The following RICTOR variants were observed in gnomAD, a reference collection of about 807,000 sequenced individuals.
The protein encoded by RICTOR is RPTOR independent companion of MTOR complex 2, also known as rapamycin-insensitive companion of mTOR.
RICTOR carries 49 observed loss-of-function variants against 214.9 expected under a neutral mutation model. The observed-to-expected ratio is 0.23, with a 90% CI of 0.18 to 0.29. The LOEUF is 0.29. Among genes scored for constraint, RICTOR ranks in the 10% least tolerant of loss-of-function variants. RICTOR has a pLI of 1.00. For synonymous variants in RICTOR, 717 were observed against 711.3 expected, an observed-to-expected ratio of 1.01 and a Z score of -0.13; for missense variants, 1,625 against 2,047.0, an observed-to-expected ratio of 0.79 and a Z score of 3.98.
At chr5:39,074,058 C>G (rs1000406874) in intron 2 of RICTOR, 53 bp downstream of exon 2, 5 of 1,444,642 alleles carry the variant, frequency 3.5e-6, no homozygotes, top group Admixed American at 4.9e-5. Context: ...AGCCCCGGAC[C>G]CGGCTCCTCC....
intron 11 of RICTOR, chr5:38,969,541 T>TA (rs56815376): frequency 0.95 from 145,030 of 152,126 alleles, 69,276 homozygotes; most frequent in East Asian, 0.99. Context: ...AAGTCTACAG[T>TA]AGTGTACAGT....
rs1358737956 is a variant in RICTOR, at chr5:38,958,504, G to C, written c.2359C>G (p.Leu787Val). Residue 787 changes from leucine (L) to valine (V), a missense_variant, in exon 24 of 38, where the codon CTC (leucine) becomes GTC (valine). This residue lies in a region of RICTOR where 1,214 missense variants were observed against 1,470.5 expected (regional missense o/e 0.83). Transcript: ENST00000357387. ...ACEDKANLHA[L>V]IQMKPALSHL... ...GATAACGCTGGTTTCATCTGAATGAGAGCATGAAGATTGGCCTAAAAGAGA... is the reference window on the plus strand; with the variant it reads ...GATAACGCTGGTTTCATCTGAATGACAGCATGAAGATTGGCCTAAAAGAGA... 6.2e-7 allele frequency: 1 copy of C among 1,611,732 alleles called. No individual in the cohort carries two copies. The highest frequency in any genetic ancestry group is 1.3e-5 in the African/African-American group (1 of 74,846).
intron 15 of RICTOR, among the ~76,000 whole-genome samples, chr5:38,966,369 G>A (rs1034495781): frequency 2.6e-5 from 4 of 152,232 alleles, no homozygotes; most frequent in African/African-American, 4.8e-5. Flanking sequence ...CTTTGAAAGT[G>A]AGTGTAAAAA....
chr5:38,984,613 T>C (rs1462729388), intron 7 of RICTOR, among the ~76,000 whole-genome samples: 3 of 152,186 alleles, frequency 2.0e-5, no homozygotes, highest in East Asian at 3.8e-4. Context: ...TCAACAAGTA[T>C]TGTGGTCTTT....
At chr5:38,978,681 CTT>C (rs779030386) in intron 8 of RICTOR, 31 bp from the exon 9 acceptor site, 12 of 1,132,120 alleles carry the variant, frequency 1.1e-5, no homozygotes, top group African/African-American at 9.5e-5. Context: ...AGAAAAGAGT[CTT>C]TATTTTAAAA....
rs1303996305 is a variant in RICTOR, at chr5:38,949,881, T to A, written c.3967A>T (p.Ser1323Cys). 2 of 1,613,422 alleles carry A rather than the reference T, an allele frequency of 1.2e-6. No individual in the cohort carries two copies. Among genetic ancestry groups the A allele is most frequent in the Non-Finnish European group, 1.7e-6 (2 of 1,179,524 alleles). ...SLADCNFSYT[S>C]SRDAFGYATL... is the part of the protein sequence containing the mutation. ...GCATAGCCAAAAGCATCTCTAGAAC[T>A]TGTGTAACTAAAGTTACAATCTGCT... Residue 1323 changes from serine (S) to cysteine (C), a missense_variant, in exon 31 of 38, where the codon AGT becomes TGT. By Grantham distance (112) the Ser-to-Cys change is moderately radical (BLOSUM62 -1). This residue lies in a region of RICTOR where 1,214 missense variants were observed against 1,470.5 expected (regional missense o/e 0.83). Transcript: ENST00000357387.
intron 34 of RICTOR, 119 bp downstream of exon 34, chr5:38,945,372 T>TGC (rs1370426170): frequency 1.5e-6 from 1 of 683,038 alleles, no homozygotes; most frequent in Non-Finnish European, 2.5e-6. Context: ...CATATCAGTG[T>TGC]GCTGCAGCTC....
chr5:39,057,431 TA>T (rs1170765379), intron 2 of RICTOR, among the ~76,000 whole-genome samples: 1 of 152,154 alleles, frequency 6.6e-6, no homozygotes, highest in Non-Finnish European at 1.5e-5. Context: ...AATATTTTAA[TA>T]ATCAAATTAT....
At chr5:39,073,353 A>G (rs1759464623) in intron 2 of RICTOR, among the ~76,000 whole-genome samples, 1 of 152,226 alleles carries the variant, frequency 6.6e-6, no homozygotes, top group Non-Finnish European at 1.5e-5. Context: ...TGATAGAGGA[A>G]ACACTGGCTA....
Position 38,949,923 on chromosome 5 carries a change from C to G in RICTOR, c.3925G>C (p.Ala1309Pro), listed in dbSNP as rs1331722213. The change falls in exon 31 of 38, where the codon GCT (alanine) becomes CCT (proline). Residue 1309 changes from alanine to proline, a missense_variant. Ala to Pro is a conservative substitution (Grantham distance 27, BLOSUM62 -1). This residue lies in a region of RICTOR where 1,214 missense variants were observed against 1,470.5 expected (regional missense o/e 0.83). Transcript: ENST00000357387. ...RAQSLKAPSIATIKSLADCNF... is the reference protein window; with the variant it reads ...RAQSLKAPSIPTIKSLADCNF... The stretch of plus-strand genomic sequence containing the variant: ...CAATCTGCTAGACTTTTAATTGTAG[C>G]AATAGAGGGTGCTTTAAGGGACTGT... The G allele has an allele frequency of 1.9e-6, 3 of 1,613,302 alleles. No homozygotes were observed. Among genetic ancestry groups the G allele is most frequent in the Non-Finnish European group, 2.5e-6 (3 of 1,179,604 alleles).
At chr5:38,960,039 C>A in intron 20 of RICTOR, 61 bp from the exon 21 acceptor site, 1 of 1,152,854 alleles carries the variant, frequency 8.7e-7, no homozygotes, top group South Asian at 1.2e-5. Context: ...ATTAGAAAAT[C>A]AACTTCAATC....
chr5:38,990,583 T>A (rs1156626164), intron 7 of RICTOR, among the ~76,000 whole-genome samples: 1 of 144,902 alleles, frequency 6.9e-6, no homozygotes, highest in Non-Finnish European at 1.5e-5. Flanking sequence ...ATATGATATA[T>A]ACATGATATA....
intron 2 of RICTOR, 94 bp from the exon 3 acceptor site, chr5:39,021,230 G>A: frequency 1.3e-6 from 1 of 762,960 alleles, no homozygotes; most frequent in East Asian, 2.5e-5. Context: ...CACAACTTTG[G>A]CTCTTGGTTT....
intron 27 of RICTOR, 46 bp from the exon 28 acceptor site, chr5:38,953,599 A>G (rs772959129): frequency 6.9e-6 from 4 of 580,868 alleles, no homozygotes; most frequent in Non-Finnish European, 1.1e-5. Flanking sequence ...ATATTTATGT[A>G]TTTAATATAT....
chr5:38,957,598 C>A, intron 25 of RICTOR, 54 bp downstream of exon 25: 1 of 939,414 alleles, frequency 1.1e-6, no homozygotes, highest in South Asian at 1.5e-5. Context: ...ATTCACAAAT[C>A]AATTTCAGAA....
rs1251215103 is a variant in RICTOR at position 38,940,237 on chromosome 5, G to A, written c.*2067C>T. The A allele has an allele frequency of 1.7e-5, 4 of 232,012 alleles. No individual in the cohort carries two copies. Among genetic ancestry groups the A allele is most frequent in the Admixed American group, 5.7e-5 (1 of 17,698 alleles). The allele number at this position is 232,012 out of a possible 1,614,324, so 14.4% of individuals were successfully genotyped here. ...GAGGGTACAGGGATAGTGATGGTGG[G>A]GGAGGGGGTGTGTGTGTGTGTAAGA... is the stretch of plus-strand genomic sequence containing the variant. On this transcript the variant is annotated 3_prime_UTR_variant, in exon 38 of 38. Transcript: ENST00000357387.
chr5:39,033,991 A>T (rs1490094244), intron 2 of RICTOR, among the ~76,000 whole-genome samples: 1 of 152,216 alleles, frequency 6.6e-6, no homozygotes, highest in East Asian at 1.9e-4. Flanking sequence ...ACACAAAAAC[A>T]TCTGCCTTTC....
At chr5:38,975,401 C>T (rs1751125823) in intron 10 of RICTOR, 136 bp downstream of exon 10, 2 of 641,502 alleles carry the variant, frequency 3.1e-6, no homozygotes, top group Admixed American at 2.9e-5. Flanking sequence ...TGTACGAGTT[C>T]CTTTGGTTCT....
chr5:39,004,363 C>T (rs76878586), intron 3 of RICTOR, among the ~76,000 whole-genome samples: 1 of 152,042 alleles, frequency 6.6e-6, no homozygotes, highest in Non-Finnish European at 1.5e-5. Flanking sequence ...TGCTATTTTC[C>T]TCCAACAGTT....
Sources: gnomAD v4.1 joint callset for allele counts (sites outside exome capture counted in the v4.1 genomes callset) on GRCh38, gnomAD v4.1.1 for gene constraint, gnomAD v4.1.1 regional missense constraint, MANE v1.5 for transcripts, NCBI Gene and HGNC (gene_info 2026-07-23, HGNC 2026-07-21) for gene names.